SHISA9: variants seen among roughly 807,000 people sequenced by gnomAD.
SHISA9 encodes the protein protein shisa-9.
Under a neutral mutation model 38.0 loss-of-function variants are expected in SHISA9, and 13 were observed. That is an observed-to-expected ratio of 0.34 (90% confidence interval 0.22 to 0.54). SHISA9 has a LOEUF of 0.54. Among genes scored for constraint, SHISA9 ranks in the 20% least tolerant of loss-of-function variants. The pLI, the probability that SHISA9 is intolerant of heterozygous loss-of-function variation, is 0.91. For missense variants in SHISA9, 538 were observed against 575.8 expected, an observed-to-expected ratio of 0.93 and a Z score of 0.67; for synonymous variants, 275 against 242.0, an observed-to-expected ratio of 1.14 and a Z score of -1.27.
At chr16:13,472,650 C>T in the SHISA9 span, among the ~76,000 whole-genome samples, 1 of 152,214 alleles carries the variant, frequency 6.6e-6, no homozygotes, top group South Asian at 2.1e-4. Context: ...CCTCGGCCTC[C>T]CAAAGTGCTG....
chr16:13,227,735 A>T (rs965825133), intron 4 of SHISA9, among the ~76,000 whole-genome samples: 4 of 152,238 alleles, frequency 2.6e-5, no homozygotes, highest in Admixed American at 2.6e-4. Flanking sequence ...ACCTTAAACA[A>T]TAAAGCTTCC....
At chr16:13,498,639 C>A in the SHISA9 span, among the ~76,000 whole-genome samples, 1 of 152,050 alleles carries the variant, frequency 6.6e-6, no homozygotes. Context: ...CACCTGTAAT[C>A]CCAACTACTT....
intron 2 of SHISA9, among the ~76,000 whole-genome samples, chr16:13,160,956 A>T (rs897892919): frequency 3.9e-5 from 6 of 152,144 alleles, no homozygotes; most frequent in African/African-American, 1.4e-4. Context: ...ATTGGTATGA[A>T]ATGACCCTAA....
At chr16:13,057,429 T>G (rs1346312734) in intron 2 of SHISA9, among the ~76,000 whole-genome samples, 1 of 152,132 alleles carries the variant, frequency 6.6e-6, no homozygotes, top group African/African-American at 2.4e-5. Context: ...AGTTTTGCTC[T>G]TATAGTCCAG....
chr16:13,187,481 T>C (rs7202518), intron 2 of SHISA9, among the ~76,000 whole-genome samples: 21,949 of 151,836 alleles, frequency 0.14, 1,864 homozygotes, highest in African/African-American at 0.22. Flanking sequence ...ACTACAGACG[T>C]GCACCACCAC....
intron 2 of SHISA9, among the ~76,000 whole-genome samples, chr16:13,034,869 G>A (rs567158903): frequency 3.3e-5 from 5 of 152,254 alleles, no homozygotes; most frequent in South Asian, 2.1e-4. Context: ...ATCCAAGATC[G>A]TCCTACATTA....
the SHISA9 span, among the ~76,000 whole-genome samples, chr16:13,510,430 T>C: frequency 6.6e-6 from 1 of 152,230 alleles, no homozygotes; most frequent in Admixed American, 6.5e-5. Flanking sequence ...CAAAATGATC[T>C]GTTTTACTAT....
intron 2 of SHISA9, among the ~76,000 whole-genome samples, chr16:13,074,668 CTTTT>C (rs947582644): frequency 1.4e-5 from 2 of 141,110 alleles, no homozygotes; most frequent in Non-Finnish European, 3.1e-5. Context: ...TTTTCTTTTT[CTTTT>C]TTTTTTTTTG....
the SHISA9 span, among the ~76,000 whole-genome samples, chr16:13,523,093 A>G: frequency 1.3e-5 from 2 of 152,314 alleles, no homozygotes; most frequent in South Asian, 4.1e-4. Context: ...CACGCCTGTA[A>G]TCCTGGCACT....
chr16:13,021,629 G>A (rs1023516026), intron 2 of SHISA9, among the ~76,000 whole-genome samples: 1 of 152,294 alleles, frequency 6.6e-6, no homozygotes, highest in Non-Finnish European at 1.5e-5. Context: ...AACGGTACCT[G>A]AGCTCTGATA....
chr16:13,427,265 C>G, the SHISA9 span, among the ~76,000 whole-genome samples: 1 of 152,202 alleles, frequency 6.6e-6, no homozygotes, highest in Non-Finnish European at 1.5e-5. Flanking sequence ...AGGCAAATGT[C>G]ATCCTTATCC....
the SHISA9 span, among the ~76,000 whole-genome samples, chr16:13,250,735 A>G: frequency 2.0e-5 from 3 of 152,068 alleles, no homozygotes; most frequent in African/African-American, 4.8e-5. Flanking sequence ...AGAAAGATCT[A>G]TATTTGGGGC....
chr16:13,193,320 T>G (rs1181881138), intron 2 of SHISA9, among the ~76,000 whole-genome samples: 1 of 152,130 alleles, frequency 6.6e-6, no homozygotes. Flanking sequence ...GGAAAGTTGT[T>G]TTTACATGGT....
At chr16:13,437,481 G>A in the SHISA9 span, among the ~76,000 whole-genome samples, 9 of 152,084 alleles carry the variant, frequency 5.9e-5, no homozygotes, top group Non-Finnish European at 1.3e-4. Flanking sequence ...GAAGTGGAGA[G>A]AGGTGACCCC....
intron 2 of SHISA9, among the ~76,000 whole-genome samples, chr16:13,090,795 G>C (rs141123492): frequency 6.6e-6 from 1 of 152,108 alleles, no homozygotes; most frequent in Non-Finnish European, 1.5e-5. Context: ...GCCCATTTAC[G>C]TTTAAGGTTA....
intron 2 of SHISA9, among the ~76,000 whole-genome samples, chr16:13,014,311 C>T (rs1465233933): frequency 6.6e-6 from 1 of 152,212 alleles, no homozygotes; most frequent in Non-Finnish European, 1.5e-5. Flanking sequence ...GAGTGTTTAA[C>T]AGGTTAACGT....
In SHISA9 at chr16:13,171,136, C is replaced by T. The variant is rs184609567; in HGVS notation, c.692-32258C>T. 9.9e-5 allele frequency among the ~76,000 whole-genome samples: 15 copies of T among 152,184 alleles called. 2 individuals are homozygous for T. The highest frequency in any genetic ancestry group is 3.6e-4 in the African/African-American group (15 of 41,512). On this transcript the variant is annotated intron_variant, in intron 2 of 4. Transcript: ENST00000558583. ...GCAGGCGTGTCACATGGCAAGAGAG[C>T]CAACAAGAGAGAGACAGCAAAGATC...
intron 2 of SHISA9, among the ~76,000 whole-genome samples, chr16:13,056,231 T>C (rs1354642803): frequency 3.9e-5 from 6 of 152,198 alleles, no homozygotes; most frequent in Non-Finnish European, 7.3e-5. Flanking sequence ...CATGCATGCA[T>C]GACACAGCAC....
intron 2 of SHISA9, among the ~76,000 whole-genome samples, chr16:13,180,080 G>A (rs2050764214): frequency 6.6e-6 from 1 of 152,210 alleles, no homozygotes; most frequent in Non-Finnish European, 1.5e-5. Context: ...GAGAACTTAA[G>A]ATGTAGAACT....
Sources: allele counts gnomAD v4.1 joint callset (sites outside exome capture counted in the v4.1 genomes callset), GRCh38; gene constraint gnomAD v4.1.1; transcripts MANE v1.5; gene names NCBI Gene and HGNC (gene_info 2026-07-23, HGNC 2026-07-21).